AP3D1: variants seen among roughly 807,000 people sequenced by gnomAD.
AP3D1 encodes adaptor related protein complex 3 subunit delta 1, also known as AP-3 complex subunit delta-1.
Under a neutral mutation model 147.6 loss-of-function variants are expected in AP3D1, and 51 were observed. The ratio of observed to expected loss-of-function variants is 0.35; its 90% confidence interval spans 0.28 to 0.44. The LOEUF (loss-of-function observed/expected upper bound fraction) is 0.44. AP3D1 is among the 20% of genes least tolerant of loss of function. The pLI is 1.00. For missense variants in AP3D1, 1,421 were observed against 1,624.2 expected (o/e 0.87, Z 2.15); for synonymous variants, 760 against 663.0 (o/e 1.15, Z -2.25).
chr19:2,123,716 A>C, intron 10 of AP3D1, 114 bp downstream of exon 10: 1 of 1,320,276 alleles, frequency 7.6e-7, no homozygotes, highest in East Asian at 2.5e-5. Flanking sequence ...CCAAGCCGCA[A>C]GATGGCGTGG....
At chr19:2,118,472 T>C in intron 15 of AP3D1, 129 bp downstream of exon 15, 4 of 910,902 alleles carry the variant, frequency 4.4e-6, no homozygotes, top group Non-Finnish European at 3.3e-6. Context: ...CTGGCACAAG[T>C]GGCAACAAAA....
chr19:2,117,789 G>A (rs1391021906), intron 15 of AP3D1, among the ~76,000 whole-genome samples: 3 of 152,230 alleles, frequency 2.0e-5, no homozygotes, highest in Admixed American at 6.5e-5. Flanking sequence ...CCGCACAGAG[G>A]AGCCCGGGGC....
At position 2,109,094 on chromosome 19, in the gene AP3D1, T is replaced by C. The variant is rs2018191842; in HGVS notation, c.3464A>G (p.His1155Arg). ...NLLAKICFHHHFSVVERVDSC... is the reference protein window; with the variant it reads ...NLLAKICFHHRFSVVERVDSC... ...CCCCTCACTCTCCTTACCGGAAAAA[T>C]GGTGGTGAAAACAGATCTTCGCCAG... Residue 1155 changes from histidine to arginine, a missense_variant, in exon 30 of 32, where the codon CAT becomes CGT. Coordinates refer to ENST00000643116, the MANE Select transcript of AP3D1 (RefSeq NM_001261826.3). The C allele has an allele frequency of 1.2e-6, 2 of 1,607,122 alleles. No individual in the cohort carries two copies. The highest frequency in any genetic ancestry group is 1.7e-6 in the Non-Finnish European group (2 of 1,178,160).
chr19:2,125,373 C>A (rs763617082), intron 9 of AP3D1, among the ~76,000 whole-genome samples: 1 of 152,046 alleles, frequency 6.6e-6, no homozygotes, highest in African/African-American at 2.4e-5. Context: ...TGGAGTGCAA[C>A]GGCACAATCT....
intron 18 of AP3D1, among the ~76,000 whole-genome samples, chr19:2,115,827 G>A (rs1032497123): frequency 4.6e-5 from 7 of 152,262 alleles, no homozygotes; most frequent in Admixed American, 1.3e-4. Flanking sequence ...TCACACGAGT[G>A]ACCCCACAGG....
chr19:2,115,462 G>T (rs1190210121), intron 19 of AP3D1, 44 bp from the exon 20 acceptor site: 4 of 1,607,984 alleles, frequency 2.5e-6, no homozygotes, highest in Middle Eastern at 3.3e-4. Flanking sequence ...GCACCCCAGG[G>T]GCTCACGGGG....
chr19:2,138,445 A>AGAAAGCC (rs1254505545), intron 2 of AP3D1, among the ~76,000 whole-genome samples, 174 bp downstream of exon 2: 1 of 152,192 alleles, frequency 6.6e-6, no homozygotes, highest in African/African-American at 2.4e-5. Flanking sequence ...TTTGCCAGCC[A>AGAAAGCC]TGTGACCAAC....
Position 2,121,848 on chromosome 19 carries a change from C to A in AP3D1, c.987G>T (p.Lys329Asn). Residue 329 changes from lysine to asparagine, a missense_variant, in exon 12 of 32, where the codon AAG (lysine) becomes AAT (asparagine). Physicochemically the swap from Lys to Asn is moderately conservative, Grantham distance 94 (BLOSUM62 0). Coordinates refer to ENST00000643116, the MANE Select transcript of AP3D1 (RefSeq NM_001261826.3). ...CGGACTTGGGGTGGGTCTTCAGGAT[C>A]TTGGACATTGCCAGCAGCCCCAGGT... Reference protein sequence around the residue: ...LKYLGLLAMSKILKTHPKSVQ... With the variant: ...LKYLGLLAMSNILKTHPKSVQ... 6.2e-7 allele frequency: 1 copy of A among 1,610,164 alleles called. No homozygotes were observed. Among genetic ancestry groups the A allele is most frequent in the Non-Finnish European group, 8.5e-7 (1 of 1,178,644 alleles).
rs116969905 is a variant in AP3D1, at chr19:2,103,256, G to A, written c.3553-988C>T. On this transcript the variant is annotated intron_variant, in intron 31 of 31. Transcript: ENST00000643116. ...ATGGGAAGGGCTCGGGTGAGGGAGC[G>A]GCCCAAGGCACCTGGGTCTCCCGTG... Among the ~76,000 whole-genome samples the A allele has an allele frequency of 7.6e-3, 1,162 of 152,236 alleles. 9 individuals are homozygous for A. Among genetic ancestry groups the A allele is most frequent in the Non-Finnish European group, 0.013 (892 of 67,986 alleles).
chr19:2,122,593 A>G (rs188654277), intron 11 of AP3D1, among the ~76,000 whole-genome samples: 61 of 152,380 alleles, frequency 4.0e-4, no homozygotes, highest in Non-Finnish European at 7.8e-4. Context: ...GGCGAAGTTC[A>G]GTGTGTACAT....
intron 15 of AP3D1, among the ~76,000 whole-genome samples, chr19:2,118,082 C>T (rs2018508222): frequency 6.6e-6 from 1 of 152,172 alleles, no homozygotes; most frequent in East Asian, 1.9e-4. Context: ...ATCCCTTGAA[C>T]CCAGGGGATG....
intron 5 of AP3D1, among the ~76,000 whole-genome samples, chr19:2,131,846 C>T (rs1438905231): frequency 6.7e-6 from 1 of 149,274 alleles, no homozygotes; most frequent in East Asian, 2.0e-4. Context: ...CACGCGGGGA[C>T]AGCGCCCATC....
At chr19:2,113,986 G>A (rs938700590) in intron 22 of AP3D1, 139 bp downstream of exon 22, 38 of 1,412,330 alleles carry the variant, frequency 2.7e-5, no homozygotes, top group African/African-American at 2.3e-4. Context: ...TCACTCCGCC[G>A]GGGCACAGGG....
intron 1 of AP3D1, among the ~76,000 whole-genome samples, chr19:2,142,322 T>C (rs1292188782): frequency 2.0e-5 from 3 of 151,918 alleles, no homozygotes; most frequent in Non-Finnish European, 4.4e-5. Flanking sequence ...CCTAACATTT[T>C]TTACTTTTGT....
intron 31 of AP3D1, among the ~76,000 whole-genome samples, chr19:2,103,418 C>A (rs2018014772): frequency 6.6e-6 from 1 of 152,134 alleles, no homozygotes; most frequent in African/African-American, 2.4e-5. Context: ...GTCCTTCCGC[C>A]CTCCTGCCAC....
intron 8 of AP3D1, 130 bp from the exon 9 acceptor site, chr19:2,127,331 C>A: frequency 1.1e-6 from 1 of 937,548 alleles, no homozygotes; most frequent in Non-Finnish European, 1.6e-6. Flanking sequence ...AGGAGGGAGC[C>A]CGTGCCTTGC....
At chr19:2,112,516 G>A (rs754880513) in intron 24 of AP3D1, 17 of 229,924 alleles carry the variant, frequency 7.4e-5, no homozygotes, top group Non-Finnish European at 5.1e-5. Context: ...GGAAGGGAGT[G>A]AGAAGTAACG....
At position 2,114,230 on chromosome 19, in the gene AP3D1, C is replaced by T. The variant is rs1488847672; in HGVS notation, c.2496G>A (p.Lys832=). The T allele has an allele frequency of 5.6e-6, 9 of 1,613,102 alleles. No homozygotes were observed. The highest frequency in any genetic ancestry group is 6.8e-6 in the Non-Finnish European group (8 of 1,179,730). The change falls in exon 22 of 32, where the codon AAG becomes AAA. Residue 832 remains lysine (K), a synonymous_variant. Transcript: ENST00000643116. ...RNTETSKSPE[K]DVPMVEKKSK... Reference sequence around the variant, plus strand: ...TCTTCTTTTCTACCATGGGAACGTCCTTCTCAGGGGATTTTGAGGTCTCGG... The same window carrying T: ...TCTTCTTTTCTACCATGGGAACGTCTTTCTCAGGGGATTTTGAGGTCTCGG...
chr19:2,109,010 C>T (rs1175868571), intron 30 of AP3D1, 76 bp downstream of exon 30: 3 of 1,583,102 alleles, frequency 1.9e-6, no homozygotes, highest in Non-Finnish European at 2.6e-6. Flanking sequence ...GGCCACAGGC[C>T]CGGCTCCAAT....
Sources: gnomAD v4.1 joint callset for allele counts (sites outside exome capture counted in the v4.1 genomes callset) on GRCh38, gnomAD v4.1.1 for gene constraint, MANE v1.5 for transcripts, NCBI Gene and HGNC (gene_info 2026-07-23, HGNC 2026-07-21) for gene names.